Variants in TANK observed in about 807,000 individuals in gnomAD.
TANK encodes TRAF family member-associated NF-kappa-B activator.
Under a neutral mutation model 43.6 loss-of-function variants are expected in TANK, and 15 were observed. The observed-to-expected ratio is 0.34, with a 90% CI of 0.23 to 0.53. TANK has a LOEUF of 0.53. Ranked by LOEUF, TANK falls within the 20% of genes least tolerant of loss-of-function variation. The probability of loss-of-function intolerance (pLI) is 0.94; values close to 1 mark genes in which losing one functional copy is unlikely to be tolerated. For synonymous variants in TANK, 162 were observed against 178.2 expected (o/e 0.91, Z 0.73); for missense variants, 417 against 498.6 (o/e 0.84, Z 1.56).
intron 4 of TANK, among the ~76,000 whole-genome samples, chr2:161,210,102 A>G (rs368750077): frequency 1.3e-5 from 2 of 152,224 alleles, no homozygotes; most frequent in South Asian, 2.1e-4. Flanking sequence ...TATAGCTATC[A>G]TTGTGATTAG....
intron 1 of TANK, among the ~76,000 whole-genome samples, chr2:161,143,955 G>A (rs78104439): frequency 1.3e-5 from 2 of 152,048 alleles, no homozygotes; most frequent in Non-Finnish European, 1.5e-5. Context: ...GGCTTTTGTT[G>A]GTTGGTAGGG....
intron 1 of TANK, among the ~76,000 whole-genome samples, chr2:161,167,421 T>C (rs777963339): frequency 6.6e-6 from 1 of 152,172 alleles, no homozygotes; most frequent in Non-Finnish European, 1.5e-5. Context: ...TGGTTGGCTG[T>C]CATTTGGCAG....
intron 2 of TANK, chr2:161,200,439 C>T (rs1247915870): frequency 1.0e-6 from 1 of 967,622 alleles, no homozygotes; most frequent in East Asian, 1.1e-4. Flanking sequence ...GTTTCATTTA[C>T]TTTCCAAATA....
At chr2:161,207,006 A>G (rs999207301) in intron 4 of TANK, among the ~76,000 whole-genome samples, 8 of 152,124 alleles carry the variant, frequency 5.3e-5, no homozygotes, top group Admixed American at 2.0e-4. Context: ...GTTCTAAGAT[A>G]TAGTAATAGT....
At chr2:161,158,202 T>C (rs910114079), upstream of TANK, among the ~76,000 whole-genome samples, 2 of 152,198 alleles carry the variant, frequency 1.3e-5, no homozygotes, top group African/African-American at 4.8e-5. Context: ...CATGCCACCA[T>C]ACCCAACCTC....
At chr2:161,151,437 T>A (rs1684078181) in intron 1 of TANK, among the ~76,000 whole-genome samples, 1 of 152,124 alleles carries the variant, frequency 6.6e-6, no homozygotes, top group East Asian at 1.9e-4. Context: ...CGTTCATATA[T>A]TTTTGGGCCC....
At chr2:161,182,237 C>T (rs1444091760) in intron 2 of TANK, among the ~76,000 whole-genome samples, 1 of 152,066 alleles carries the variant, frequency 6.6e-6, no homozygotes, top group Non-Finnish European at 1.5e-5. Flanking sequence ...AAGCAGTGGA[C>T]ACCAGCTAGA....
At chr2:161,153,380 CTT>C (rs754255248) in intron 1 of TANK, among the ~76,000 whole-genome samples, 26 of 151,978 alleles carry the variant, frequency 1.7e-4, no homozygotes, top group Non-Finnish European at 2.9e-5. Flanking sequence ...ATAATTATGA[CTT>C]TTTATTTAAA....
At chr2:161,165,613 C>T (rs904988695) in intron 1 of TANK, among the ~76,000 whole-genome samples, 2 of 152,026 alleles carry the variant, frequency 1.3e-5, no homozygotes, top group Non-Finnish European at 2.9e-5. Flanking sequence ...TGTTCCTTCC[C>T]ATACAGTCCT....
At chr2:161,140,027 T>C (rs1345386217) in intron 1 of TANK, 1 of 709,116 alleles carries the variant, frequency 1.4e-6, no homozygotes, top group African/African-American at 1.9e-5. Flanking sequence ...GGTTAGTATT[T>C]TTGTTTTTAT....
intron 1 of TANK, chr2:161,161,429 C>T (rs756333225): frequency 4.4e-5 from 68 of 1,550,504 alleles, no homozygotes; most frequent in Admixed American, 5.9e-5. Context: ...GAGAAGCAAG[C>T]AGTGCATTCT....
At chr2:161,232,756 A>G (rs1470457983) in intron 7 of TANK, 2 of 1,550,274 alleles carry the variant, frequency 1.3e-6, no homozygotes, top group Non-Finnish European at 1.7e-6. Flanking sequence ...GTTTCAGTAG[A>G]TGGCACCCTG....
intron 2 of TANK, among the ~76,000 whole-genome samples, chr2:161,198,831 A>T (rs1331509257): frequency 6.6e-6 from 1 of 152,172 alleles, no homozygotes; most frequent in Non-Finnish European, 1.5e-5. Flanking sequence ...AGATAATTAG[A>T]TTGGAAATCT....
intron 1 of TANK, chr2:161,161,265 G>A (rs1259132374): frequency 3.2e-6 from 5 of 1,550,264 alleles, no homozygotes; most frequent in East Asian, 4.9e-5. Context: ...ATGTAAAGTG[G>A]TGTTTATCTC....
At chr2:161,141,718 T>C (rs1242118555) in intron 1 of TANK, among the ~76,000 whole-genome samples, 1 of 152,216 alleles carries the variant, frequency 6.6e-6, no homozygotes, top group African/African-American at 2.4e-5. Flanking sequence ...ATTTTCTTTA[T>C]CCTGTCTATC....
chr2:161,183,828 T>A (rs988277824), intron 2 of TANK, among the ~76,000 whole-genome samples: 1 of 152,002 alleles, frequency 6.6e-6, no homozygotes, highest in Non-Finnish European at 1.5e-5. Flanking sequence ...AAATAAAATA[T>A]CATTTATATC....
At chr2:161,171,242 A>G (rs1684926103) in intron 1 of TANK, among the ~76,000 whole-genome samples, 1 of 152,338 alleles carries the variant, frequency 6.6e-6, no homozygotes, top group Admixed American at 6.5e-5. Context: ...CTCTTTAGGA[A>G]TATTCAACAG....
At chr2:161,139,925 T>C in intron 1 of TANK, 1 of 976,922 alleles carries the variant, frequency 1.0e-6, no homozygotes, top group Non-Finnish European at 1.2e-6. Flanking sequence ...AATTGATTAA[T>C]CTTATATCCA....
chr2:161,168,996 T>C (rs531988812), intron 1 of TANK, among the ~76,000 whole-genome samples: 2 of 152,248 alleles, frequency 1.3e-5, no homozygotes, highest in East Asian at 3.8e-4. Context: ...TTTTTAGTTA[T>C]GCAAAGCCTC....
Sources: allele counts gnomAD v4.1 joint callset (sites outside exome capture counted in the v4.1 genomes callset), GRCh38; gene constraint gnomAD v4.1.1; transcripts MANE v1.5; gene names NCBI Gene and HGNC (gene_info 2026-07-23, HGNC 2026-07-21).